Variants in VWDE observed in about 807,000 individuals in gnomAD.
VWDE encodes the protein von Willebrand factor D and EGF domains, also known as von Willebrand factor D and EGF domain-containing protein.
In VWDE, 207 loss-of-function variants were observed where a neutral mutation model predicts 178.4. The observed-to-expected ratio is 1.16, with a 90% CI of 1.04 to 1.30. The LOEUF (loss-of-function observed/expected upper bound fraction) is 1.30, where lower values mean the gene tolerates loss of function less well. Among genes scored for constraint, VWDE ranks in the 50% most tolerant of loss-of-function variants. The pLI is 0.00. For missense variants in VWDE, 2,287 were observed against 1,901.3 expected, an observed-to-expected ratio of 1.20 and a Z score of -3.77; for synonymous variants, 738 against 651.4, an observed-to-expected ratio of 1.13 and a Z score of -2.02.
chr7:12,356,018 A>C (rs1782222379), intron 18 of VWDE, 93 bp downstream of exon 18: 1 of 943,472 alleles, frequency 1.1e-6, no homozygotes, highest in East Asian at 2.6e-5. Context: ...TGTGTACTAA[A>C]ATCTTTAGGA....
chr7:12,395,011 T>A (rs1784558082), intron 1 of VWDE, among the ~76,000 whole-genome samples: 1 of 152,162 alleles, frequency 6.6e-6, no homozygotes, highest in Non-Finnish European at 1.5e-5. Context: ...TTTCTGCTTT[T>A]TATTTTGTTT....
At chr7:12,369,463 T>A (rs1783033056) in intron 12 of VWDE, 82 bp downstream of exon 12, 2 of 1,419,278 alleles carry the variant, frequency 1.4e-6, no homozygotes, top group African/African-American at 2.9e-5. Context: ...ACTGTTAGGA[T>A]ACTGAGGGTG....
intron 1 of VWDE, among the ~76,000 whole-genome samples, chr7:12,398,386 C>T (rs1173773358): frequency 6.6e-6 from 1 of 152,162 alleles, no homozygotes; most frequent in Non-Finnish European, 1.5e-5. Context: ...CAGATTACCA[C>T]ATCTGGAAAA....
chr7:12,371,875 T>C (rs1481385590), intron 10 of VWDE, among the ~76,000 whole-genome samples: 1 of 152,122 alleles, frequency 6.6e-6, no homozygotes, highest in Non-Finnish European at 1.5e-5. Context: ...GACTTTTTCA[T>C]CTTACAAGGA....
chr7:12,373,098 A>C lies in VWDE; in HGVS notation c.1466T>G (p.Ile489Arg). ...ACCATTGCACATATCAAAAGTAACT[A>C]TATCACCTCCTTCCTGGGCAACAAA... ...CGFVAQEGGD[I>R]VTFDMCNGQL... Residue 489 changes from isoleucine (I) to arginine (R), a missense_variant, in exon 10 of 29, where the codon ATA becomes AGA. Ile to Arg is a moderately conservative substitution (Grantham distance 97). Coordinates refer to ENST00000275358, the MANE Select transcript of VWDE (RefSeq NM_001135924.3). 6.4e-7 allele frequency: 1 copy of C among 1,551,326 alleles called. No homozygotes were observed. The highest frequency in any genetic ancestry group is 1.2e-5 in the South Asian group (1 of 84,058).
rs1299518371 is a variant in VWDE, at chr7:12,389,323, C to G, written c.279G>C (p.Leu93=). The G allele has an allele frequency of 6.5e-7, 1 of 1,550,280 alleles. No homozygotes were observed. Residue 93 remains leucine (L), a synonymous_variant, in exon 3 of 29, where the codon CTG becomes CTC. Coordinates refer to ENST00000275358, the MANE Select transcript of VWDE (RefSeq NM_001135924.3). ...NHCGTQAPIW[L]SLRDSETLPS... is the part of the protein sequence containing the mutation. ...GCAGTGTTTCTGAATCTCTCAGAGACAGCCAGATGGGGGCCTGAGTTCCAC... is the reference window on the plus strand; with the variant it reads ...GCAGTGTTTCTGAATCTCTCAGAGAGAGCCAGATGGGGGCCTGAGTTCCAC...
chr7:12,369,649 G>C lies in VWDE; in HGVS notation c.2657C>G (p.Ser886Ter), dbSNP rs1353712560. 1.9e-6 allele frequency: 3 copies of C among 1,551,594 alleles called. No individual in the cohort carries two copies. The highest frequency in any genetic ancestry group is 2.0e-5 in the Admixed American group (1 of 50,970). ...GCATAAATTGGGGCATTTTAATACT[G>C]AGAGAATGTCTTCAATTGATGTGCC... ...EYGTSIEDIL[S>*]VLKCPNLCSG... Residue 886 changes from serine (S) to a stop codon, truncating the protein, a stop_gained, in exon 12 of 29, where the codon TCA (serine) becomes TGA (stop). Transcript: ENST00000275358. LOFTEE classifies it high-confidence loss of function.
intron 24 of VWDE, among the ~76,000 whole-genome samples, 177 bp from the exon 25 acceptor site, chr7:12,337,449 A>G (rs1403317452): frequency 1.3e-5 from 2 of 152,228 alleles, no homozygotes; most frequent in African/African-American, 4.8e-5. Context: ...GCTTATACCT[A>G]TAAGCTACTA....
At chr7:12,364,215 T>C (rs372830857) in intron 13 of VWDE, among the ~76,000 whole-genome samples, 1 of 152,040 alleles carries the variant, frequency 6.6e-6, no homozygotes, top group Non-Finnish European at 1.5e-5. Context: ...GGTAGTTACG[T>C]GTGTGTATAA....
At chr7:12,346,256 A>G (rs1183462198) in intron 19 of VWDE, among the ~76,000 whole-genome samples, 1 of 152,174 alleles carries the variant, frequency 6.6e-6, no homozygotes, top group Non-Finnish European at 1.5e-5. Flanking sequence ...TGATCACCTC[A>G]TACACATGAG....
chr7:12,342,955 A>G, intron 22 of VWDE, 128 bp downstream of exon 22: 1 of 570,014 alleles, frequency 1.8e-6, no homozygotes, highest in Non-Finnish European at 2.9e-6. Context: ...TCCTTGCGAT[A>G]GTTTACAAGA....
chr7:12,351,795 A>T, intron 18 of VWDE, 82 bp from the exon 19 acceptor site: 1 of 1,227,586 alleles, frequency 8.1e-7, no homozygotes, highest in African/African-American at 1.6e-5. Context: ...TACAATACAA[A>T]CGCCACTTGG....
chr7:12,352,298 T>A (rs1440731578), intron 18 of VWDE, among the ~76,000 whole-genome samples: 1 of 152,220 alleles, frequency 6.6e-6, no homozygotes, highest in Non-Finnish European at 1.5e-5. Flanking sequence ...TGCTATTGAT[T>A]CTTATGTGCC....
At chr7:12,398,585 T>C (rs1784733434) in intron 1 of VWDE, among the ~76,000 whole-genome samples, 1 of 152,170 alleles carries the variant, frequency 6.6e-6, no homozygotes, top group Non-Finnish European at 1.5e-5. Flanking sequence ...TCTCCTCAGC[T>C]GGAGCACCCT....
intron 19 of VWDE, among the ~76,000 whole-genome samples, chr7:12,347,534 TA>T (rs1781671445): frequency 6.6e-6 from 1 of 152,010 alleles, no homozygotes; most frequent in African/African-American, 2.4e-5. Flanking sequence ...ATTATTGGCA[TA>T]AAAAAGACTA....
intron 18 of VWDE, among the ~76,000 whole-genome samples, chr7:12,355,064 T>C (rs1027932777): frequency 3.0e-4 from 45 of 152,144 alleles, no homozygotes; most frequent in Non-Finnish European, 2.5e-4. Context: ...TTTGAATTCT[T>C]TCAAATAGAG....
At chr7:12,376,329 T>C (rs1783526836) in intron 7 of VWDE, among the ~76,000 whole-genome samples, 1 of 152,076 alleles carries the variant, frequency 6.6e-6, no homozygotes, top group Non-Finnish European at 1.5e-5. Context: ...AAAGTAAAGA[T>C]TTAATGCTAC....
At position 12,346,921 on chromosome 7, in the gene VWDE, A is replaced by T. The variant is rs935712306; in HGVS notation, c.3887-2452T>A. ...AGAAAAAGACAGAAGAAAATGAACC[A>T]AAAACAACAAAAATAATCCTTAACA... On this transcript the variant is annotated intron_variant, in intron 19 of 28. Coordinates refer to ENST00000275358, the MANE Select transcript of VWDE (RefSeq NM_001135924.3). Among the ~76,000 whole-genome samples, 10 of 152,262 alleles carry T rather than the reference A, an allele frequency of 6.6e-5. No individual in the cohort carries two copies. In the South Asian group the frequency reaches 1.4e-3, roughly 22 times the overall value.
intron 4 of VWDE, among the ~76,000 whole-genome samples, chr7:12,382,519 A>C (rs978079784): frequency 6.6e-6 from 1 of 151,852 alleles, no homozygotes; most frequent in Admixed American, 6.6e-5. Context: ...CAGAGTGATA[A>C]ATTTTGAGGA....
Sources: gnomAD v4.1 joint callset for allele counts (sites outside exome capture counted in the v4.1 genomes callset) on GRCh38, gnomAD v4.1.1 for gene constraint, MANE v1.5 for transcripts, NCBI Gene and HGNC (gene_info 2026-07-23, HGNC 2026-07-21) for gene names.